The following OR51B5 variants were observed in gnomAD, a reference collection of about 807,000 sequenced individuals.
The protein encoded by OR51B5 is olfactory receptor family 51 subfamily B member 5, also known as olfactory receptor 51B5.
For missense variants in OR51B5, 456 were observed against 374.6 expected, an observed-to-expected ratio of 1.22 and a Z score of -1.79; for synonymous variants, 186 against 144.8, an observed-to-expected ratio of 1.28 and a Z score of -2.04.
At chr11:5,422,545 T>C (rs1850360220) in intron 1 of OR51B5, 1 of 1,614,064 alleles carries the variant, frequency 6.2e-7, no homozygotes. Context: ...TGGAGTCTTC[T>C]GTCCTCCTGG....
chr11:5,423,120 A>C (rs779434623), intron 1 of OR51B5: 2 of 1,603,742 alleles, frequency 1.2e-6, no homozygotes, highest in East Asian at 2.2e-5. Flanking sequence ...GGAATGTTAA[A>C]TTTCCTTTCC....
At chr11:5,504,679 TC>T (rs1404486306) in intron 1 of OR51B5, among the ~76,000 whole-genome samples, 9 of 152,178 alleles carry the variant, frequency 5.9e-5, no homozygotes, top group Non-Finnish European at 1.3e-4. Flanking sequence ...CTATCCAGTG[TC>T]CCCAGTCACT....
At chr11:5,363,458 CTCTCT>C (rs1849318093) in intron 1 of OR51B5, among the ~76,000 whole-genome samples, 1 of 57,802 alleles carries the variant, frequency 1.7e-5, no homozygotes, top group Non-Finnish European at 4.1e-5. Flanking sequence ...TACACACACA[CTCTCT>C]CTCTCACACA....
intron 1 of OR51B5, among the ~76,000 whole-genome samples, chr11:5,382,875 T>A (rs1437242372): frequency 6.6e-6 from 1 of 152,204 alleles, no homozygotes; most frequent in Non-Finnish European, 1.5e-5. Context: ...GTTTTAGATC[T>A]GTATGCCCCG....
chr11:5,358,973 A>C (rs1333918433), intron 1 of OR51B5, among the ~76,000 whole-genome samples: 2 of 151,804 alleles, frequency 1.3e-5, no homozygotes, highest in South Asian at 2.1e-4. Context: ...TCAATAAATT[A>C]GGTATTGATG....
At chr11:5,438,922 ATCTAAAGAGGGAAGAAG>A (rs1168565854) in intron 1 of OR51B5, among the ~76,000 whole-genome samples, 2 of 152,206 alleles carry the variant, frequency 1.3e-5, no homozygotes, top group Non-Finnish European at 2.9e-5. Flanking sequence ...AACATATCCC[ATCTAAAGAGGGAAGAAG>A]TTAATAGACT....
At chr11:5,401,785 C>G (rs1044676364) in intron 1 of OR51B5, among the ~76,000 whole-genome samples, 3 of 152,202 alleles carry the variant, frequency 2.0e-5, no homozygotes, top group South Asian at 4.2e-4. Flanking sequence ...CCAAGGTGCA[C>G]TACACCTTAA....
At chr11:5,367,553 C>G (rs1846319) in intron 1 of OR51B5, among the ~76,000 whole-genome samples, 2,314 of 152,270 alleles carry the variant, frequency 0.015, 69 homozygotes, top group East Asian at 0.067. Flanking sequence ...TACCAGAGGT[C>G]ACTCTCATCA....
chr11:5,353,415 T>G (rs1281777858), intron 1 of OR51B5, among the ~76,000 whole-genome samples: 1 of 152,038 alleles, frequency 6.6e-6, no homozygotes. Flanking sequence ...TAAGACTAGA[T>G]AGGGGTGTCT....
rs1469524601 is a variant in OR51B5, at chr11:5,454,260, G to T, written n.84+51309C>A. Reference sequence around the variant, plus strand: ...TGCATTTTATGTGCCAATGATTGGGGTCTCCACAGTGCACCGCTTTGGGAA... The same window carrying T: ...TGCATTTTATGTGCCAATGATTGGGTTCTCCACAGTGCACCGCTTTGGGAA... On this transcript the variant is annotated intron_variant and non_coding_transcript_variant, in intron 1 of 4. Coordinates refer to the OR51B5 transcript ENST00000415970. 8.7e-6 allele frequency: 14 copies of T among 1,614,070 alleles called. No homozygotes were observed. The highest frequency in any genetic ancestry group is 1.2e-5 in the Non-Finnish European group (14 of 1,180,036).
chr11:5,356,358 C>T (rs1314177015), intron 1 of OR51B5, among the ~76,000 whole-genome samples: 1 of 151,682 alleles, frequency 6.6e-6, no homozygotes, highest in Non-Finnish European at 1.5e-5. Flanking sequence ...ATTCGATCAA[C>T]TGGAAGAAAG....
intron 1 of OR51B5, among the ~76,000 whole-genome samples, chr11:5,443,248 TAAAC>T (rs1161683639): frequency 6.6e-6 from 1 of 152,194 alleles, no homozygotes; most frequent in African/African-American, 2.4e-5. Context: ...CCACTCCTCA[TAAAC>T]AGAGTGAAAT....
intron 1 of OR51B5, among the ~76,000 whole-genome samples, chr11:5,370,296 T>C (rs1849428675): frequency 6.6e-6 from 1 of 152,220 alleles, no homozygotes; most frequent in African/African-American, 2.4e-5. Flanking sequence ...ATAGTATCTT[T>C]TATGCTGACT....
chr11:5,505,514 G>A (rs1050321170), intron 1 of OR51B5: 187 of 1,260,294 alleles, frequency 1.5e-4, no homozygotes, highest in Non-Finnish European at 1.9e-4. Context: ...CGCTGCTAAT[G>A]AAGATATACC....
At chr11:5,419,230 C>T (rs1463113044) in intron 1 of OR51B5, among the ~76,000 whole-genome samples, 1 of 152,184 alleles carries the variant, frequency 6.6e-6, no homozygotes, top group African/African-American at 2.4e-5. Flanking sequence ...ATGCTTTACT[C>T]ATAGTGCCCA....
intron 1 of OR51B5, chr11:5,454,451 T>C: frequency 6.4e-7 from 1 of 1,572,886 alleles, no homozygotes; most frequent in Non-Finnish European, 8.6e-7. Context: ...CTTTAGAATC[T>C]GTTATTTTGG....
At chr11:5,505,258 T>G (rs1846354758) in intron 1 of OR51B5, 2 of 1,238,474 alleles carry the variant, frequency 1.6e-6, no homozygotes, top group South Asian at 1.4e-5. Flanking sequence ...AGGTTTTTTG[T>G]TTTTTTCCTC....
intron 1 of OR51B5, chr11:5,488,565 C>CATCTGA: frequency 1.6e-6 from 1 of 634,234 alleles, no homozygotes; most frequent in South Asian, 2.0e-5. Flanking sequence ...GATGTTTGTA[C>CATCTGA]AAGTGAAAAA....
At chr11:5,343,870 T>G (rs1848948114), upstream of OR51B5, among the ~76,000 whole-genome samples, 1 of 152,362 alleles carries the variant, frequency 6.6e-6, no homozygotes, top group African/African-American at 2.4e-5. Flanking sequence ...ATTCGTATTC[T>G]ATGGGGCATT....
Sources: gnomAD v4.1 joint callset for allele counts (sites outside exome capture counted in the v4.1 genomes callset) on GRCh38, gnomAD v4.1.1 for gene constraint, MANE v1.5 for transcripts, NCBI Gene and HGNC (gene_info 2026-07-23, HGNC 2026-07-21) for gene names.